The following DLGAP2 variants were observed in gnomAD, a reference collection of about 807,000 sequenced individuals.
The protein encoded by DLGAP2 is disks large-associated protein 2.
Under a neutral mutation model 100.3 loss-of-function variants are expected in DLGAP2, and 26 were observed. The ratio of observed to expected loss-of-function variants is 0.26; its 90% CI spans 0.19 to 0.36. The LOEUF (loss-of-function observed/expected upper bound fraction) is 0.36, where lower values mean the gene tolerates loss of function less well. DLGAP2 is among the 10% of genes least tolerant of loss of function. The probability of loss-of-function intolerance (pLI) is 1.00; values close to 1 mark genes in which losing one functional copy is unlikely to be tolerated. For missense variants in DLGAP2, 1,858 were observed against 1,453.2 expected (o/e 1.28, Z -4.53); for synonymous variants, 886 against 630.1 (o/e 1.41, Z -6.08).
At chr8:1,665,525 G>T (rs1166222541) in intron 8 of DLGAP2, among the ~76,000 whole-genome samples, 2 of 145,058 alleles carry the variant, frequency 1.4e-5, no homozygotes, top group African/African-American at 5.7e-5. Context: ...TCTCAAACTT[G>T]CCAAAGAAAA....
rs967337652 is a variant in DLGAP2, at chr8:871,406, C to G, written c.19-36506C>G. ...TAAGAACGAGTTTTGTCAAATCTGA[C>G]AGGGTGATCCTGCTTCTGAGTCCAC... On this transcript the variant is annotated intron_variant, in intron 1 of 14. Coordinates refer to ENST00000637795, the MANE Select transcript of DLGAP2 (RefSeq NM_001346810.2). Among the ~76,000 whole-genome samples, 4 of 152,212 alleles carry G rather than the reference C, an allele frequency of 2.6e-5. 1 individual carries two copies. The South Asian group carries it at 6.2e-4, about 24-fold the overall frequency.
At chr8:1,682,438 C>G (rs1251317974) in intron 12 of DLGAP2, among the ~76,000 whole-genome samples, 1 of 151,908 alleles carries the variant, frequency 6.6e-6, no homozygotes, top group South Asian at 2.1e-4. Flanking sequence ...GTATAGGGAC[C>G]CAAATCAACA....
intron 3 of DLGAP2, among the ~76,000 whole-genome samples, chr8:1,321,632 C>T (rs1446844926): frequency 6.6e-6 from 1 of 152,154 alleles, no homozygotes; most frequent in East Asian, 1.9e-4. Flanking sequence ...TCATTTTCAC[C>T]TTTAGTATTA....
At chr8:1,367,734 A>G (rs185257654) in intron 3 of DLGAP2, among the ~76,000 whole-genome samples, 1 of 152,342 alleles carries the variant, frequency 6.6e-6, no homozygotes, top group African/African-American at 2.4e-5. Context: ...ACGGTTCCCT[A>G]TTGCAGCACG....
At chr8:818,974 A>G (rs953916288) in intron 1 of DLGAP2, among the ~76,000 whole-genome samples, 1 of 152,256 alleles carries the variant, frequency 6.6e-6, no homozygotes, top group Admixed American at 6.5e-5. Flanking sequence ...TACAAGAGGA[A>G]CTGGCTCAGA....
At chr8:1,228,351 A>G (rs1001463046) in intron 2 of DLGAP2, among the ~76,000 whole-genome samples, 4 of 152,228 alleles carry the variant, frequency 2.6e-5, no homozygotes, top group Non-Finnish European at 5.9e-5. Flanking sequence ...CCAGGTTCAG[A>G]TGGTCTCACT....
intron 4 of DLGAP2, among the ~76,000 whole-genome samples, chr8:1,502,531 C>T (rs1799758636): frequency 6.6e-6 from 1 of 152,064 alleles, no homozygotes. Context: ...AGATTTGTTG[C>T]TAACTGACGT....
chr8:760,048 C>T (rs539356999), intron 1 of DLGAP2, among the ~76,000 whole-genome samples: 30 of 152,340 alleles, frequency 2.0e-4, no homozygotes, highest in African/African-American at 7.0e-4. Context: ...CCGAACATTG[C>T]AAATACATCT....
intron 2 of DLGAP2, among the ~76,000 whole-genome samples, chr8:1,140,774 A>G (rs2129050431): frequency 6.6e-6 from 1 of 152,304 alleles, no homozygotes; most frequent in Non-Finnish European, 1.5e-5. Flanking sequence ...GAGTTCAGAG[A>G]CCAGCCTGGC....
chr8:1,554,639 T>G (rs1801895205), intron 5 of DLGAP2, among the ~76,000 whole-genome samples: 1 of 152,140 alleles, frequency 6.6e-6, no homozygotes, highest in African/African-American at 2.4e-5. Context: ...ACACACTCAG[T>G]AACAATTAGC....
chr8:1,159,041 T>C lies in DLGAP2; in HGVS notation c.74-99810T>C, dbSNP rs113110318. Among the ~76,000 whole-genome samples, 184 of 152,308 alleles carry C rather than the reference T, an allele frequency of 1.2e-3. 1 individual carries two copies. The highest frequency in any genetic ancestry group is 4.2e-3 in the African/African-American group (176 of 41,576). On this transcript the variant is annotated intron_variant, in intron 2 of 14. Transcript: ENST00000637795. ...GAAAACACTTTCTTGTTAACCTCGATGTCAGTGAGCTTTACCCAGGAGCCA... is the reference window on the plus strand; with the variant it reads ...GAAAACACTTTCTTGTTAACCTCGACGTCAGTGAGCTTTACCCAGGAGCCA...
intron 1 of DLGAP2, chr8:754,142 T>G (rs1820861279): frequency 6.6e-6 from 1 of 152,104 alleles, no homozygotes; most frequent in African/African-American, 2.4e-5. Context: ...CCTTTCCGAG[T>G]CCTCACGGCA....
chr8:1,426,853 C>A (rs1185557878), intron 3 of DLGAP2, among the ~76,000 whole-genome samples: 3 of 152,082 alleles, frequency 2.0e-5, no homozygotes, highest in Non-Finnish European at 2.9e-5. Context: ...AAAAACTCAA[C>A]CTTCTATTCT....
At chr8:1,639,455 G>A (rs1191186497) in intron 8 of DLGAP2, among the ~76,000 whole-genome samples, 2 of 152,110 alleles carry the variant, frequency 1.3e-5, no homozygotes, top group African/African-American at 4.8e-5. Context: ...AGCAGCAGGG[G>A]TCCTGTGCCA....
At chr8:1,452,623 T>C (rs1798194222) in intron 3 of DLGAP2, among the ~76,000 whole-genome samples, 1 of 152,256 alleles carries the variant, frequency 6.6e-6, no homozygotes, top group Admixed American at 6.5e-5. Flanking sequence ...TGGAGAATTC[T>C]GGAGGGAAAC....
chr8:1,360,846 A>G (rs970913396), intron 3 of DLGAP2, among the ~76,000 whole-genome samples: 3 of 152,216 alleles, frequency 2.0e-5, no homozygotes, highest in African/African-American at 4.8e-5. Context: ...CCGTCTGCAC[A>G]CGACGGTGAG....
chr8:1,164,271 T>A (rs538640437), intron 2 of DLGAP2, among the ~76,000 whole-genome samples: 9 of 124,818 alleles, frequency 7.2e-5, no homozygotes, highest in African/African-American at 2.4e-4. Flanking sequence ...CCCCTCGTTT[T>A]GGTTTGTGGG....
chr8:1,143,561 G>T (rs541168766), intron 2 of DLGAP2, among the ~76,000 whole-genome samples: 1 of 152,314 alleles, frequency 6.6e-6, no homozygotes, highest in African/African-American at 2.4e-5. Context: ...TCTGGTCAGC[G>T]CTCAGGACTC....
intron 2 of DLGAP2, among the ~76,000 whole-genome samples, chr8:1,038,946 C>G (rs77401901): frequency 0.034 from 5,214 of 152,290 alleles, 229 homozygotes; most frequent in East Asian, 0.14. Context: ...GCTTTCGTGT[C>G]TCTCCAAGTT....
Sources: gnomAD v4.1 joint callset for allele counts (sites outside exome capture counted in the v4.1 genomes callset) on GRCh38, gnomAD v4.1.1 for gene constraint, MANE v1.5 for transcripts, NCBI Gene and HGNC (gene_info 2026-07-23, HGNC 2026-07-21) for gene names.